The following TACC2 variants were observed in gnomAD, a reference collection of about 807,000 sequenced individuals.
TACC2 encodes the protein transforming acidic coiled-coil containing protein 2.
TACC2 carries 137 observed loss-of-function variants against 227.3 expected under a neutral mutation model. The ratio of observed to expected loss-of-function variants is 0.60; its 90% CI spans 0.52 to 0.69. TACC2 has a LOEUF of 0.69. Ranked by LOEUF, TACC2 falls within the 30% of genes least tolerant of loss-of-function variation. The pLI is 0.00. For synonymous variants in TACC2, 1,523 were observed against 1,487.5 expected, an observed-to-expected ratio of 1.02 and a Z score of -0.55; for missense variants, 3,470 against 3,694.4, an observed-to-expected ratio of 0.94 and a Z score of 1.57.
At chr10:121,990,902 C>A (rs753816937) in intron 1 of TACC2, among the ~76,000 whole-genome samples, 3 of 152,178 alleles carry the variant, frequency 2.0e-5, no homozygotes, top group Non-Finnish European at 2.9e-5. Context: ...ATTCTCCTGC[C>A]TCAGCCCCCT....
chr10:122,155,991 C>G (rs1041277751), intron 7 of TACC2, among the ~76,000 whole-genome samples: 1 of 151,620 alleles, frequency 6.6e-6, no homozygotes, highest in Non-Finnish European at 1.5e-5. Flanking sequence ...GCGCCCGCCA[C>G]CACGCCCGGC....
At position 122,232,471 on chromosome 10, in the gene TACC2, G is replaced by A. The variant is rs191985443; in HGVS notation, c.8127+2031G>A. ...ATTACAGGCTGTTCTCAGAATATGT[G>A]CCCCAATTCTGAGTTAGAAAATAGA... On this transcript the variant is annotated intron_variant, in intron 16 of 22. Coordinates refer to ENST00000369005, the MANE Select transcript of TACC2 (RefSeq NM_206862.4). Among the ~76,000 whole-genome samples, 3 of 152,276 alleles carry A rather than the reference G, an allele frequency of 2.0e-5. No homozygotes were observed. In the East Asian group the frequency reaches 5.8e-4, roughly 29 times the overall value.
chr10:122,055,883 C>T (rs887572206), intron 3 of TACC2, among the ~76,000 whole-genome samples: 5 of 152,176 alleles, frequency 3.3e-5, no homozygotes, highest in African/African-American at 9.7e-5. Context: ...TGCTGCTAAC[C>T]TTAGCTTCTT....
intron 1 of TACC2, among the ~76,000 whole-genome samples, chr10:122,007,339 G>A (rs12762668): frequency 0.31 from 47,079 of 151,678 alleles, 7,605 homozygotes; most frequent in Non-Finnish European, 0.34. Flanking sequence ...CTATTTGCAC[G>A]TTTGAATTTC....
intron 18 of TACC2, 159 bp from the exon 19 acceptor site, chr10:122,241,799 C>T (rs896527707): frequency 3.0e-5 from 21 of 692,548 alleles, no homozygotes; most frequent in South Asian, 1.5e-4. Flanking sequence ...TTTAGAGTCA[C>T]GCACCAGGAA....
intron 2 of TACC2, among the ~76,000 whole-genome samples, chr10:122,031,129 T>C (rs1481230238): frequency 1.3e-5 from 2 of 152,112 alleles, no homozygotes; most frequent in East Asian, 3.9e-4. Context: ...TTTTTAAGGT[T>C]GTAAGAGACA....
At position 122,085,483 on chromosome 10, in the gene TACC2, C is replaced by T. The variant is rs1034283140; in HGVS notation, c.2983C>T (p.Gln995Ter). 2.5e-6 allele frequency: 4 copies of T among 1,613,722 alleles called. No homozygotes were observed. Among genetic ancestry groups the T allele is most frequent in the Admixed American group, 3.3e-5 (2 of 60,034 alleles). The change falls in exon 4 of 23, where the codon CAG (glutamine) becomes TAG (stop). Residue 995 changes from glutamine (Q) to a stop codon, truncating the protein, a stop_gained. Transcript: ENST00000369005. LOFTEE classifies it high-confidence loss of function. ...TGGGCAGGGGCCAAACAAGTCTCAA[C>T]AGGCATTGGCTGATGCCTTGGAAGA... ...CTGQGPNKSQ[Q>*]ALADALEEGS... is the part of the protein sequence containing the mutation.
intron 3 of TACC2, among the ~76,000 whole-genome samples, chr10:122,053,110 C>A (rs2075882189): frequency 6.6e-6 from 1 of 152,174 alleles, no homozygotes; most frequent in Non-Finnish European, 1.5e-5. Context: ...AGTCCGTTTT[C>A]ACACTGCTGA....
Position 122,085,377 on chromosome 10 carries a change from G to A in TACC2, c.2877G>A (p.Ser959=), listed in dbSNP as rs373322084. 1.2e-6 allele frequency: 2 copies of A among 1,613,862 alleles called. No homozygotes were observed. The highest frequency in any genetic ancestry group is 1.7e-6 in the Non-Finnish European group (2 of 1,180,050). The change falls in exon 4 of 23, where the codon TCG becomes TCA. Residue 959 remains serine, a synonymous_variant. Transcript: ENST00000369005. The part of the protein sequence containing the change: ...PEGACGDGQS[S]RVSPPAADVL... ...GAGCATGCGGTGATGGTCAGTCCTC[G>A]AGGGTCTCGCCTCCAGCAGCAGATG...
rs1166423895 is a variant in TACC2, at chr10:122,084,503, C to G, written c.2003C>G (p.Pro668Arg). 4 of 1,613,304 alleles carry G rather than the reference C, an allele frequency of 2.5e-6. No homozygotes were observed. Among genetic ancestry groups the G allele is most frequent in the East Asian group, 2.2e-5 (1 of 44,876 alleles). The change falls in exon 4 of 23, where the codon CCC becomes CGC. Residue 668 changes from proline (P) to arginine (R), a missense_variant. This residue lies in a region of TACC2 where 1,924 missense variants were observed against 1,978.3 expected (regional missense o/e 0.97). Coordinates refer to ENST00000369005, the MANE Select transcript of TACC2 (RefSeq NM_206862.4). ...CCACACAAGCTGGGTGAGGAGGACC[C>G]CGTCCTGCCCCCTGTGCCAGATGGA... is the stretch of plus-strand genomic sequence containing the variant. ...GLPHKLGEED[P>R]VLPPVPDGAG... is the part of the protein sequence containing the mutation.
intron 4 of TACC2, 109 bp from the exon 5 acceptor site, chr10:122,088,369 A>C: frequency 1.2e-6 from 1 of 864,970 alleles, no homozygotes; most frequent in Non-Finnish European, 1.7e-6. Flanking sequence ...TTTTTTTTGT[A>C]GTAGCCACTT....
At chr10:122,114,432 G>A (rs2084265823) in intron 5 of TACC2, among the ~76,000 whole-genome samples, 1 of 152,246 alleles carries the variant, frequency 6.6e-6, no homozygotes, top group South Asian at 2.1e-4. Flanking sequence ...GAACTTAGAG[G>A]AAGGGTTTTG....
At chr10:122,037,154 G>A (rs1960671712) in intron 2 of TACC2, among the ~76,000 whole-genome samples, 1 of 152,230 alleles carries the variant, frequency 6.6e-6, no homozygotes, top group African/African-American at 2.4e-5. Context: ...TAGGAATAGT[G>A]TAACAGGTAT....
intron 5 of TACC2, among the ~76,000 whole-genome samples, chr10:122,098,645 G>A (rs1462214394): frequency 1.3e-5 from 2 of 152,204 alleles, no homozygotes; most frequent in East Asian, 3.8e-4. Context: ...CACCTGGCAT[G>A]CAGTAAGCAC....
intron 19 of TACC2, among the ~76,000 whole-genome samples, chr10:122,246,073 G>A (rs1202856916): frequency 2.0e-5 from 3 of 152,068 alleles, no homozygotes; most frequent in Non-Finnish European, 4.4e-5. Flanking sequence ...AAGGATATTC[G>A]GCATCTTCAG....
chr10:122,134,679 G>T (rs2089190955), intron 6 of TACC2, among the ~76,000 whole-genome samples: 1 of 152,112 alleles, frequency 6.6e-6, no homozygotes, highest in South Asian at 2.1e-4. Context: ...AAGACCCAGG[G>T]GCCTCTGGCT....
Position 122,140,994 on chromosome 10 carries a change from G to A in TACC2, c.5700-2578G>A, listed in dbSNP as rs181612602. Among the ~76,000 whole-genome samples the A allele has an allele frequency of 3.5e-4, 53 of 152,250 alleles. No individual in the cohort carries two copies. In the East Asian group the frequency reaches 8.7e-3, roughly 25 times the overall value. ...GGCCTTGGATCTGAGGGGACAAAAC[G>A]GAAAGCAGGCACAGCAGGATAGCCC... On this transcript the variant is annotated intron_variant, in intron 6 of 22. Coordinates refer to ENST00000369005, the MANE Select transcript of TACC2 (RefSeq NM_206862.4).
chr10:122,167,750 C>T (rs951173392), intron 7 of TACC2, among the ~76,000 whole-genome samples: 4 of 152,134 alleles, frequency 2.6e-5, no homozygotes, highest in Admixed American at 2.0e-4. Context: ...CTTGAGAAGA[C>T]GTAAGTGCCA....
At chr10:122,174,566 T>C (rs1760130486) in intron 7 of TACC2, among the ~76,000 whole-genome samples, 1 of 152,164 alleles carries the variant, frequency 6.6e-6, no homozygotes, top group Admixed American at 6.5e-5. Context: ...GAAGAATTGG[T>C]GCATAAAACG....
Sources: allele counts gnomAD v4.1 joint callset (sites outside exome capture counted in the v4.1 genomes callset), GRCh38; gene constraint gnomAD v4.1.1; regional missense constraint gnomAD v4.1.1; transcripts MANE v1.5; gene names NCBI Gene and HGNC (gene_info 2026-07-23, HGNC 2026-07-21).